CDH12: variants seen among roughly 807,000 people sequenced by gnomAD.
CDH12 encodes cadherin 12.
Under a neutral mutation model 74.1 loss-of-function variants are expected in CDH12, and 41 were observed. The ratio of observed to expected loss-of-function variants is 0.55; its 90% CI spans 0.43 to 0.72. CDH12 has a LOEUF of 0.72. CDH12 is among the 30% of genes least tolerant of loss of function. The pLI is 0.00. For missense variants in CDH12, 945 were observed against 977.2 expected, an observed-to-expected ratio of 0.97 and a Z score of 0.44; for synonymous variants, 399 against 355.0, an observed-to-expected ratio of 1.12 and a Z score of -1.39.
At chr5:22,591,893 G>A (rs1736345835) in intron 1 of CDH12, among the ~76,000 whole-genome samples, 1 of 152,062 alleles carries the variant, frequency 6.6e-6, no homozygotes, top group South Asian at 2.1e-4. Flanking sequence ...TTTGTCCTTT[G>A]ATGAACTATT....
intron 3 of CDH12, among the ~76,000 whole-genome samples, chr5:22,340,796 C>T (rs550473328): frequency 2.8e-4 from 42 of 152,158 alleles, no homozygotes; most frequent in African/African-American, 1.0e-3. Context: ...GGGAGGTTTT[C>T]CTTCTCAGTT....
chr5:22,439,289 G>C (rs1744527994), intron 2 of CDH12, among the ~76,000 whole-genome samples: 1 of 151,866 alleles, frequency 6.6e-6, no homozygotes. Flanking sequence ...ACAAAAAAAA[G>C]AACACTTTGC....
intron 1 of CDH12, among the ~76,000 whole-genome samples, chr5:22,556,007 C>T (rs1447652385): frequency 3.3e-5 from 5 of 151,274 alleles, no homozygotes; most frequent in Admixed American, 1.3e-4. Context: ...TGTATCAAAC[C>T]GTAACAGAGA....
At chr5:22,242,354 A>G (rs1358367027) in intron 3 of CDH12, among the ~76,000 whole-genome samples, 1 of 152,100 alleles carries the variant, frequency 6.6e-6, no homozygotes, top group African/African-American at 2.4e-5. Context: ...ACACTTCTAT[A>G]TTTTTCGTTT....
chr5:21,861,176 C>CGG (rs1480377351), intron 6 of CDH12, among the ~76,000 whole-genome samples: 2 of 151,656 alleles, frequency 1.3e-5, no homozygotes. Flanking sequence ...TGTTAGGACT[C>CGG]CTGTGGGGTT....
chr5:22,012,081 A>G (rs1361395140), intron 5 of CDH12, among the ~76,000 whole-genome samples: 1 of 152,080 alleles, frequency 6.6e-6, no homozygotes, highest in Non-Finnish European at 1.5e-5. Context: ...TAATTAAAAT[A>G]TACACTATAT....
At chr5:22,156,321 G>A (rs961204973) in intron 4 of CDH12, among the ~76,000 whole-genome samples, 1 of 152,022 alleles carries the variant, frequency 6.6e-6, no homozygotes, top group African/African-American at 2.4e-5. Flanking sequence ...CACTTAAATT[G>A]CATCTTAATG....
intron 1 of CDH12, among the ~76,000 whole-genome samples, chr5:22,597,247 T>C (rs1736647102): frequency 6.6e-6 from 1 of 152,190 alleles, no homozygotes; most frequent in South Asian, 2.1e-4. Context: ...GTTTAAACAG[T>C]TTGGATAAAA....
chr5:22,767,754 T>C (rs767541927), intron 1 of CDH12, among the ~76,000 whole-genome samples: 8 of 151,970 alleles, frequency 5.3e-5, no homozygotes, highest in Non-Finnish European at 1.0e-4. Flanking sequence ...AATATATTGT[T>C]TAAAAGCAGG....
intron 6 of CDH12, among the ~76,000 whole-genome samples, chr5:21,878,574 C>CAAAAAAAAAAAAAAAA (rs55681202): frequency 8.4e-6 from 1 of 119,752 alleles, no homozygotes; most frequent in African/African-American, 3.2e-5. Context: ...ACCAAAAATA[C>CAAAAAAAAAAAAAAAA]AAAAAAAAAA....
chr5:21,955,111 A>AT (rs573531370), intron 6 of CDH12, among the ~76,000 whole-genome samples: 183 of 151,806 alleles, frequency 1.2e-3, no homozygotes, highest in African/African-American at 4.2e-3. Flanking sequence ...TCTGCGTTTG[A>AT]TTTTTTTTAC....
At chr5:21,897,627 T>C (rs1040800796) in intron 6 of CDH12, among the ~76,000 whole-genome samples, 3 of 152,210 alleles carry the variant, frequency 2.0e-5, no homozygotes, top group Non-Finnish European at 4.4e-5. Flanking sequence ...AACATGAACA[T>C]ATTACATCTT....
At chr5:22,787,596 T>A (rs941910359) in intron 1 of CDH12, among the ~76,000 whole-genome samples, 3 of 150,196 alleles carry the variant, frequency 2.0e-5, no homozygotes, top group Non-Finnish European at 4.5e-5. Flanking sequence ...TTTAATAATG[T>A]TTTATTTTTA....
intron 4 of CDH12, among the ~76,000 whole-genome samples, chr5:22,192,980 G>A (rs1038996982): frequency 7.9e-5 from 12 of 152,034 alleles, no homozygotes; most frequent in Non-Finnish European, 4.4e-5. Flanking sequence ...ATATAGTTAA[G>A]GAAGTCGGAA....
At chr5:22,316,430 C>T (rs1334645275) in intron 3 of CDH12, among the ~76,000 whole-genome samples, 1 of 152,108 alleles carries the variant, frequency 6.6e-6, no homozygotes, top group Non-Finnish European at 1.5e-5. Flanking sequence ...CACAATCACT[C>T]AGTTCCATAT....
intron 2 of CDH12, among the ~76,000 whole-genome samples, chr5:22,442,118 C>T (rs981733630): frequency 6.6e-6 from 1 of 152,112 alleles, no homozygotes; most frequent in Non-Finnish European, 1.5e-5. Context: ...CTATGACTGA[C>T]TAAAAGTCGG....
At chr5:22,378,189 G>T (rs572980134) in intron 3 of CDH12, among the ~76,000 whole-genome samples, 1 of 152,206 alleles carries the variant, frequency 6.6e-6, no homozygotes, top group East Asian at 1.9e-4. Flanking sequence ...TACAGAATCA[G>T]TTGCTATTCC....
At chr5:21,914,040 C>G (rs138159656) in intron 6 of CDH12, among the ~76,000 whole-genome samples, 1 of 152,014 alleles carries the variant, frequency 6.6e-6, no homozygotes, top group East Asian at 1.9e-4. Flanking sequence ...CCTTTTGATG[C>G]CAGAAAGGAC....
At chr5:22,061,098 C>T (rs1016513205) in intron 5 of CDH12, among the ~76,000 whole-genome samples, 19 of 152,156 alleles carry the variant, frequency 1.2e-4, no homozygotes, top group South Asian at 4.1e-4. Context: ...CAACAAAATG[C>T]AACAGCACTC....
Sources: gnomAD v4.1 joint callset for allele counts (sites outside exome capture counted in the v4.1 genomes callset) on GRCh38, gnomAD v4.1.1 for gene constraint, MANE v1.5 for transcripts, NCBI Gene and HGNC (gene_info 2026-07-23, HGNC 2026-07-21) for gene names.